The following NBAS variants were observed in gnomAD, a reference collection of about 807,000 sequenced individuals.
NBAS encodes NAG/BC035112 fusion.
Under a neutral mutation model 302.5 loss-of-function variants are expected in NBAS, and 219 were observed. The ratio of observed to expected loss-of-function variants is 0.72; its 90% CI spans 0.65 to 0.81. The LOEUF is 0.81. Among genes scored for constraint, NBAS ranks in the 30% least tolerant of loss-of-function variants. NBAS has a pLI of 0.00. For missense variants in NBAS, 2,932 were observed against 2,841.6 expected (o/e 1.03, Z -0.72); for synonymous variants, 1,118 against 1,021.6 (o/e 1.09, Z -1.80).
At chr2:15,360,210 G>A (rs1005223390) in intron 32 of NBAS, among the ~76,000 whole-genome samples, 2 of 151,680 alleles carry the variant, frequency 1.3e-5, no homozygotes, top group East Asian at 1.9e-4. Flanking sequence ...TGTGAAGGCC[G>A]AGGATATGAC....
chr2:15,452,048 TG>T (rs945371117), intron 21 of NBAS, among the ~76,000 whole-genome samples: 2 of 151,382 alleles, frequency 1.3e-5, no homozygotes, highest in Admixed American at 6.6e-5. Flanking sequence ...TCCACTTACA[TG>T]CCATACCTAG....
At chr2:15,415,873 C>G (rs1427806051) in intron 24 of NBAS, among the ~76,000 whole-genome samples, 154 bp from the exon 25 acceptor site, 1 of 152,196 alleles carries the variant, frequency 6.6e-6, no homozygotes, top group East Asian at 1.9e-4. Context: ...CAGTTCACCA[C>G]TCACATGTGG....
chr2:15,548,458 AT>A (rs1279730340), intron 6 of NBAS, among the ~76,000 whole-genome samples: 4 of 152,146 alleles, frequency 2.6e-5, no homozygotes, highest in Admixed American at 1.3e-4. Context: ...CCTGGCCAAC[AT>A]AGTGAAACCG....
the NBAS span, among the ~76,000 whole-genome samples, chr2:15,144,048 A>AAT: frequency 3.0e-3 from 338 of 113,774 alleles, 13 homozygotes; most frequent in South Asian, 7.0e-3. Flanking sequence ...TATATATAAA[A>AAT]ATATATATAT....
chr2:14,952,101 T>C, the NBAS span, among the ~76,000 whole-genome samples: 1 of 152,188 alleles, frequency 6.6e-6, no homozygotes, highest in African/African-American at 2.4e-5. Context: ...TGCCTCCCCC[T>C]GGCCATCCCC....
At chr2:15,529,826 G>C (rs1663135336) in intron 9 of NBAS, among the ~76,000 whole-genome samples, 1 of 152,116 alleles carries the variant, frequency 6.6e-6, no homozygotes, top group South Asian at 2.1e-4. Flanking sequence ...TGAAAGGCCA[G>C]TCTTTATATA....
At chr2:14,866,013 A>AT in the NBAS span, among the ~76,000 whole-genome samples, 6 of 152,116 alleles carry the variant, frequency 3.9e-5, no homozygotes, top group East Asian at 3.9e-4. Context: ...TTTCAGATGG[A>AT]TTTTTTTTAT....
chr2:15,105,822 T>C, the NBAS span, among the ~76,000 whole-genome samples: 1 of 152,126 alleles, frequency 6.6e-6, no homozygotes, highest in Non-Finnish European at 1.5e-5. Flanking sequence ...AGATCGTATT[T>C]CTCCCCTGGT....
chr2:15,027,410 C>G, the NBAS span, among the ~76,000 whole-genome samples: 2 of 148,842 alleles, frequency 1.3e-5, no homozygotes, highest in African/African-American at 5.0e-5. Flanking sequence ...ATACTTTAGA[C>G]TTTTCAATAT....
At chr2:14,880,648 A>T in the NBAS span, among the ~76,000 whole-genome samples, 2 of 152,030 alleles carry the variant, frequency 1.3e-5, no homozygotes, top group African/African-American at 4.8e-5. Context: ...AAAAAATAAG[A>T]TGAAAAAGAC....
intron 23 of NBAS, among the ~76,000 whole-genome samples, chr2:15,419,786 A>G (rs1677123309): frequency 6.6e-6 from 1 of 151,536 alleles, no homozygotes; most frequent in Non-Finnish European, 1.5e-5. Context: ...ATCTCGGCTC[A>G]CGGCAAGCTC....
chr2:15,429,800 T>C (rs1208800385), intron 21 of NBAS, among the ~76,000 whole-genome samples: 4 of 152,208 alleles, frequency 2.6e-5, no homozygotes, highest in Non-Finnish European at 1.5e-5. Flanking sequence ...TTCTGAATCA[T>C]ACAAATGATG....
chr2:15,079,055 A>G, the NBAS span, among the ~76,000 whole-genome samples: 1 of 152,156 alleles, frequency 6.6e-6, no homozygotes, highest in Admixed American at 6.5e-5. Context: ...CCCCTCAAGT[A>G]GGAAAAGTGC....
intron 38 of NBAS, among the ~76,000 whole-genome samples, 158 bp downstream of exon 38, chr2:15,327,592 T>C (rs1026506765): frequency 1.2e-4 from 18 of 152,168 alleles, no homozygotes; most frequent in African/African-American, 3.9e-4. Context: ...TTAAACAAAA[T>C]TAATAAATGG....
At chr2:15,009,730 T>C in the NBAS span, among the ~76,000 whole-genome samples, 3 of 121,250 alleles carry the variant, frequency 2.5e-5, no homozygotes, top group Non-Finnish European at 2.0e-5. Context: ...ACGGTGCATA[T>C]GTATGTGTGT....
the NBAS span, among the ~76,000 whole-genome samples, chr2:15,002,839 C>T: frequency 3.3e-5 from 5 of 152,194 alleles, no homozygotes; most frequent in South Asian, 2.1e-4. Context: ...GTGCGGGGCC[C>T]GCCAAGCCCA....
intron 48 of NBAS, among the ~76,000 whole-genome samples, chr2:15,208,027 G>C (rs945516612): frequency 2.6e-5 from 4 of 151,866 alleles, no homozygotes; most frequent in African/African-American, 9.7e-5. Context: ...TGAGCACCCA[G>C]ATATATATAA....
At chr2:15,091,000 C>A in the NBAS span, among the ~76,000 whole-genome samples, 1 of 152,186 alleles carries the variant, frequency 6.6e-6, no homozygotes, top group Admixed American at 6.5e-5. Flanking sequence ...TAATTCAAAA[C>A]ATACCCCAAG....
Position 15,239,681 on chromosome 2 carries a change from T to C in NBAS, c.5725-995A>G, listed in dbSNP as rs1037459084. 4.0e-5 allele frequency among the ~76,000 whole-genome samples: 6 copies of C among 150,428 alleles called. No individual in the cohort carries two copies. In the Admixed American group the frequency reaches 4.1e-4, roughly 10 times the overall value. On this transcript the variant is annotated intron_variant, in intron 44 of 51. Coordinates refer to ENST00000281513, the MANE Select transcript of NBAS (RefSeq NM_015909.4). ...TGTATGTATAAAAATATAAGAAATA[T>C]GTATTCAGACATATGCATATACATA...
Sources: allele counts gnomAD v4.1 joint callset (sites outside exome capture counted in the v4.1 genomes callset), GRCh38; gene constraint gnomAD v4.1.1; transcripts MANE v1.5; gene names NCBI Gene and HGNC (gene_info 2026-07-23, HGNC 2026-07-21).